LAMA2: variants seen among roughly 807,000 people sequenced by gnomAD.
The protein encoded by LAMA2 is laminin subunit alpha-2.
Under a neutral mutation model 364.8 loss-of-function variants are expected in LAMA2, and 269 were observed. That is an observed-to-expected ratio of 0.74 (90% CI 0.67 to 0.82). LAMA2 has a LOEUF of 0.82. Ranked by LOEUF, LAMA2 falls within the 40% of genes least tolerant of loss-of-function variation. The probability of loss-of-function intolerance (pLI) is 0.00; values close to 1 mark genes in which losing one functional copy is unlikely to be tolerated. For synonymous variants in LAMA2, 1,379 were observed against 1,370.6 expected (o/e 1.01, Z -0.14); for missense variants, 3,807 against 3,873.2 (o/e 0.98, Z 0.45).
Position 129,492,024 on chromosome 6 carries a change from C to G in LAMA2, c.8022C>G (p.Leu2674=). Residue 2674 remains leucine, a synonymous_variant, in exon 57 of 65, where the codon CTC becomes CTG. Coordinates refer to ENST00000421865, the MANE Select transcript of LAMA2 (RefSeq NM_000426.4). ...GAPPEFQPSP[L]RNIPPFEGCI... ...CACCTGAATTTCAACCTTCCCCACT[C>G]AGAAATATTCCTCCTTTTGAAGGCT... 1 of 1,614,116 alleles carries G rather than the reference C, an allele frequency of 6.2e-7. No individual in the cohort carries two copies. Among genetic ancestry groups the G allele is most frequent in the South Asian group, 1.1e-5 (1 of 91,082 alleles).
chr6:129,510,597 T>A, intron 62 of LAMA2, among the ~76,000 whole-genome samples: 1 of 152,070 alleles, frequency 6.6e-6, no homozygotes, highest in East Asian at 1.9e-4. Context: ...CTATCAAGAA[T>A]ATATTATCAA....
At chr6:128,995,982 ATTCT>A (rs1405648873) in intron 1 of LAMA2, among the ~76,000 whole-genome samples, 2 of 152,102 alleles carry the variant, frequency 1.3e-5, no homozygotes, top group Non-Finnish European at 1.5e-5. Flanking sequence ...ATATGAATTC[ATTCT>A]TTATTGATAG....
At position 129,189,957 on chromosome 6, in the gene LAMA2, G is replaced by T. The variant is rs912720235; in HGVS notation, c.1468-248G>T. On this transcript the variant is annotated intron_variant, in intron 10 of 64. Coordinates refer to ENST00000421865, the MANE Select transcript of LAMA2 (RefSeq NM_000426.4). ...TTACTCTACACTCAACCTACATGAA[G>T]ATCAACATAGTCACTTTTACGAGAG... 5.3e-5 allele frequency among the ~76,000 whole-genome samples: 8 copies of T among 152,202 alleles called. No individual in the cohort carries two copies. The East Asian group carries it at 1.5e-3, about 29-fold the overall frequency.
At chr6:129,320,508 G>A (rs369990625) in intron 27 of LAMA2, 30 bp from the exon 28 acceptor site, 39 of 1,245,972 alleles carry the variant, frequency 3.1e-5, no homozygotes, top group Non-Finnish European at 3.8e-5. Context: ...GACTGTCATA[G>A]TAATCTAAGT....
chr6:129,464,959 A>G lies in LAMA2; in HGVS notation c.7156-186A>G, dbSNP rs527572187. Among the ~76,000 whole-genome samples, 10 of 152,148 alleles carry G rather than the reference A, an allele frequency of 6.6e-5. No homozygotes were observed. The East Asian group carries it at 1.7e-3, about 27-fold the overall frequency. On this transcript the variant is annotated intron_variant, in intron 50 of 64. Coordinates refer to ENST00000421865, the MANE Select transcript of LAMA2 (RefSeq NM_000426.4). ...ATTTTGTTGTGACCATGTGCATCAT[A>G]ATATCACAGCCACAAAAATTCAGAA...
At chr6:128,893,808 A>G (rs1009718329) in intron 1 of LAMA2, among the ~76,000 whole-genome samples, 15 of 152,092 alleles carry the variant, frequency 9.9e-5, no homozygotes, top group Non-Finnish European at 2.9e-5. Flanking sequence ...CCAGTAATAA[A>G]ACAATTACAT....
At chr6:129,290,509 C>G (rs1446092300) in intron 19 of LAMA2, among the ~76,000 whole-genome samples, 1 of 152,010 alleles carries the variant, frequency 6.6e-6, no homozygotes, top group African/African-American at 2.4e-5. Flanking sequence ...AAAAGGAGAA[C>G]CTAGAGCCAG....
At chr6:129,242,250 A>G (rs143247928) in intron 12 of LAMA2, among the ~76,000 whole-genome samples, 225 of 152,284 alleles carry the variant, frequency 1.5e-3, no homozygotes, top group Non-Finnish European at 2.8e-3. Flanking sequence ...CCTTAAAGAC[A>G]AAATCTTTAA....
chr6:129,115,955 C>A (rs1392813464), intron 4 of LAMA2, among the ~76,000 whole-genome samples: 2 of 152,086 alleles, frequency 1.3e-5, no homozygotes, highest in African/African-American at 4.8e-5. Context: ...TCTTCTTTTC[C>A]TGACCTCCTA....
intron 4 of LAMA2, among the ~76,000 whole-genome samples, chr6:129,127,252 A>C (rs1014217985): frequency 6.6e-6 from 1 of 152,200 alleles, no homozygotes; most frequent in African/African-American, 2.4e-5. Context: ...CCATTCCCAC[A>C]GCCCTCAGCC....
At chr6:129,298,265 C>A (rs12206487) in intron 21 of LAMA2, among the ~76,000 whole-genome samples, 1 of 147,212 alleles carries the variant, frequency 6.8e-6, no homozygotes, top group South Asian at 2.1e-4. Flanking sequence ...AATTGGTATC[C>A]GGATCAAGAA....
intron 17 of LAMA2, among the ~76,000 whole-genome samples, chr6:129,275,060 T>G (rs925362972): frequency 1.3e-5 from 2 of 152,044 alleles, no homozygotes; most frequent in African/African-American, 4.8e-5. Flanking sequence ...TCAGGAATGC[T>G]GAAATTTAAG....
At chr6:129,326,558 A>AT (rs1034722870) in intron 28 of LAMA2, among the ~76,000 whole-genome samples, 3 of 151,460 alleles carry the variant, frequency 2.0e-5, no homozygotes, top group South Asian at 2.1e-4. Flanking sequence ...AATTTGTGTG[A>AT]TTTTTTACAC....
chr6:128,957,836 ATTTTTTTT>A (rs10652900), intron 1 of LAMA2, among the ~76,000 whole-genome samples: 6 of 51,264 alleles, frequency 1.2e-4, no homozygotes, highest in East Asian at 6.2e-4. Context: ...TACTTCATGC[ATTTTTTTT>A]TTTTTTTTTT....
intron 17 of LAMA2, 35 bp from the exon 18 acceptor site, chr6:129,280,026 C>G (rs1383422247): frequency 7.2e-7 from 1 of 1,388,000 alleles, no homozygotes; most frequent in East Asian, 2.3e-5. Context: ...TGTCCTTCTT[C>G]CTTGTCCCTG....
At chr6:129,171,270 C>T (rs867250416) in intron 9 of LAMA2, among the ~76,000 whole-genome samples, 4 of 152,222 alleles carry the variant, frequency 2.6e-5, no homozygotes, top group Middle Eastern at 3.4e-3. Context: ...TTCCTAGCAT[C>T]GATGGTCTTT....
chr6:129,123,841 C>A (rs1164744288), intron 4 of LAMA2, among the ~76,000 whole-genome samples: 2 of 152,176 alleles, frequency 1.3e-5, no homozygotes, highest in African/African-American at 4.8e-5. Context: ...CTTAACATTA[C>A]TGTATCGTAT....
At chr6:129,314,352 T>G (rs1043660662) in intron 23 of LAMA2, among the ~76,000 whole-genome samples, 59 of 128,650 alleles carry the variant, frequency 4.6e-4, no homozygotes, top group African/African-American at 1.5e-3. Context: ...TGAGCAGAGA[T>G]AGCGCCACTG....
At chr6:129,494,051 G>A (rs1785022757) in intron 58 of LAMA2, among the ~76,000 whole-genome samples, 1 of 152,164 alleles carries the variant, frequency 6.6e-6, no homozygotes, top group Non-Finnish European at 1.5e-5. Flanking sequence ...TATGTCTAAG[G>A]TTTTCAATAC....
Sources: allele counts gnomAD v4.1 joint callset (sites outside exome capture counted in the v4.1 genomes callset), GRCh38; gene constraint gnomAD v4.1.1; transcripts MANE v1.5; gene names NCBI Gene and HGNC (gene_info 2026-07-23, HGNC 2026-07-21).